The following GPATCH2 variants were observed in gnomAD, a reference collection of about 807,000 sequenced individuals.
GPATCH2 encodes G-patch domain containing 2, also known as G patch domain-containing protein 2.
Under a neutral mutation model 58.0 loss-of-function variants are expected in GPATCH2, and 51 were observed. The observed-to-expected ratio is 0.88, with a 90% CI of 0.70 to 1.11. GPATCH2 has a LOEUF of 1.11. Ranked by LOEUF, GPATCH2 falls within the 50% of genes most tolerant of loss-of-function variation. The pLI is 0.00. For synonymous variants in GPATCH2, 222 were observed against 218.5 expected (o/e 1.02, Z -0.14); for missense variants, 625 against 652.2 (o/e 0.96, Z 0.45).
chr1:217,429,841 A>G lies in GPATCH2; in HGVS notation c.*1304T>C, dbSNP rs941815957. On this transcript the variant is annotated 3_prime_UTR_variant, in exon 10 of 10. Transcript: ENST00000366935. ...AGACTCTGTCAAAAAAAAAAAAAAA[A>G]AAAAAGAAACAAAAAAACTCTTTTG... is the stretch of plus-strand genomic sequence containing the variant. The G allele has an allele frequency of 1.6e-4, 25 of 151,592 alleles. No homozygotes were observed. Among genetic ancestry groups the G allele is most frequent in the African/African-American group, 4.1e-4 (17 of 41,278 alleles). The allele number at this position is 151,592 out of a possible 1,614,324, so 9.4% of individuals were successfully genotyped here.
chr1:217,607,391 G>A (rs953875212), intron 5 of GPATCH2, among the ~76,000 whole-genome samples: 1 of 151,918 alleles, frequency 6.6e-6, no homozygotes, highest in South Asian at 2.1e-4. Context: ...TGCTTTTTGT[G>A]GGTGATTATT....
chr1:217,593,049 C>T (rs1171343338), intron 5 of GPATCH2, among the ~76,000 whole-genome samples: 4 of 151,856 alleles, frequency 2.6e-5, no homozygotes, highest in African/African-American at 9.7e-5. Flanking sequence ...TTTTAACCTC[C>T]TTCTGAAAAG....
intron 8 of GPATCH2, among the ~76,000 whole-genome samples, chr1:217,472,601 C>G (rs570968683): frequency 2.4e-4 from 36 of 152,224 alleles, no homozygotes; most frequent in African/African-American, 7.5e-4. Context: ...CGTGCCCAGT[C>G]CAACAGACTT....
At chr1:217,526,775 G>A (rs1048001765) in intron 5 of GPATCH2, among the ~76,000 whole-genome samples, 2 of 152,198 alleles carry the variant, frequency 1.3e-5, no homozygotes, top group Non-Finnish European at 1.5e-5. Flanking sequence ...AGCAACAGAC[G>A]AGCAAGCAAA....
chr1:217,439,601 A>G (rs1042108829), intron 9 of GPATCH2, among the ~76,000 whole-genome samples: 42 of 152,350 alleles, frequency 2.8e-4, no homozygotes, highest in African/African-American at 1.0e-3. Context: ...GAAAACATTA[A>G]CAAAATAGAC....
chr1:217,607,047 T>G (rs1668393673), intron 5 of GPATCH2, among the ~76,000 whole-genome samples: 1 of 152,178 alleles, frequency 6.6e-6, no homozygotes, highest in African/African-American at 2.4e-5. Flanking sequence ...AAGGTCTGAC[T>G]TCAAAATCTA....
In GPATCH2 at chr1:217,431,005, G is replaced by A; in HGVS notation, c.*140C>T. On this transcript the variant is annotated 3_prime_UTR_variant, in exon 10 of 10. Coordinates refer to ENST00000366935, the MANE Select transcript of GPATCH2 (RefSeq NM_018040.5). ...AAATCCCATTTCTCTCACTATGGCA[G>A]GACTGTATGCAGTAAGGAAGCTAGA... 1 of 658,440 alleles carries A rather than the reference G, an allele frequency of 1.5e-6. No individual in the cohort carries two copies. Among genetic ancestry groups the A allele is most frequent in the East Asian group, 2.6e-5 (1 of 39,166 alleles). 40.8% of individuals were successfully genotyped at this position (658,440 alleles called of 1,614,324 possible).
At chr1:217,623,453 T>G (rs2102849586) in intron 1 of GPATCH2, among the ~76,000 whole-genome samples, 1 of 152,014 alleles carries the variant, frequency 6.6e-6, no homozygotes, top group Non-Finnish European at 1.5e-5. Context: ...TTTAATAAAA[T>G]ATAACTGCTA....
chr1:217,446,674 C>T (rs1458812853), intron 9 of GPATCH2, among the ~76,000 whole-genome samples: 2 of 151,848 alleles, frequency 1.3e-5, no homozygotes, highest in African/African-American at 2.4e-5. Context: ...ATTTTATCTT[C>T]TAAGTAAAAA....
At chr1:217,610,291 A>G (rs1668560579) in intron 5 of GPATCH2, 30 bp downstream of exon 5, 1 of 1,495,230 alleles carries the variant, frequency 6.7e-7, no homozygotes. Flanking sequence ...ATTTCCAAAC[A>G]TGACAATTAC....
At position 217,427,618 on chromosome 1, in the gene GPATCH2, C is replaced by A. The variant is rs761826269; in HGVS notation, c.*3527G>T. On this transcript the variant is annotated 3_prime_UTR_variant, in exon 10 of 10. Coordinates refer to ENST00000366935, the MANE Select transcript of GPATCH2 (RefSeq NM_018040.5). Reference sequence around the variant, plus strand: ...AAAAGAAAAAATAAAAAAAAATATTCTTTGCTAACAATTTCTTTACAATGC... The same window carrying A: ...AAAAGAAAAAATAAAAAAAAATATTATTTGCTAACAATTTCTTTACAATGC... 1 of 151,912 alleles carries A rather than the reference C, an allele frequency of 6.6e-6. No homozygotes were observed. The highest frequency in any genetic ancestry group is 1.9e-4 in the East Asian group (1 of 5,184). 9.4% of individuals were successfully genotyped at this position (151,912 alleles called of 1,614,324 possible).
intron 8 of GPATCH2, among the ~76,000 whole-genome samples, chr1:217,455,495 C>T (rs1268745334): frequency 6.6e-6 from 1 of 152,170 alleles, no homozygotes; most frequent in Non-Finnish European, 1.5e-5. Context: ...CCTCTCACTG[C>T]TTCAGATGGA....
intron 8 of GPATCH2, among the ~76,000 whole-genome samples, chr1:217,474,241 A>C (rs1660872939): frequency 6.6e-6 from 1 of 152,192 alleles, no homozygotes; most frequent in Non-Finnish European, 1.5e-5. Context: ...TACCTTGAAT[A>C]CAGTGTCCAT....
chr1:217,527,213 T>C (rs1040458976), intron 5 of GPATCH2, among the ~76,000 whole-genome samples: 1 of 152,078 alleles, frequency 6.6e-6, no homozygotes, highest in African/African-American at 2.4e-5. Flanking sequence ...CCCCAAACCA[T>C]CCCCCTACCC....
At chr1:217,435,956 A>C (rs1658805902) in intron 9 of GPATCH2, among the ~76,000 whole-genome samples, 1 of 152,224 alleles carries the variant, frequency 6.6e-6, no homozygotes. Flanking sequence ...AATTAAAATC[A>C]GTTTAAATAG....
intron 8 of GPATCH2, among the ~76,000 whole-genome samples, chr1:217,490,049 C>T (rs1235434909): frequency 1.3e-5 from 2 of 152,170 alleles, no homozygotes; most frequent in Admixed American, 6.5e-5. Context: ...TTATGAAATA[C>T]ACCCTTTAAA....
intron 8 of GPATCH2, among the ~76,000 whole-genome samples, chr1:217,484,718 GGT>G (rs1399425509): frequency 6.7e-6 from 1 of 150,106 alleles, no homozygotes; most frequent in African/African-American, 2.4e-5. Context: ...TGTGCATAGA[GGT>G]GATATATGTG....
rs1474667161 is a variant in GPATCH2 at position 217,430,883 on chromosome 1, A to C, written c.*262T>G. Reference sequence around the variant, plus strand: ...TTGACACATGAGACTAAAATAAATAAGAGAAACGAGCTGCTCTTTATACCT... The same window carrying C: ...TTGACACATGAGACTAAAATAAATACGAGAAACGAGCTGCTCTTTATACCT... On this transcript the variant is annotated 3_prime_UTR_variant, in exon 10 of 10. Transcript: ENST00000366935. The C allele has an allele frequency of 3.2e-5, 16 of 498,988 alleles. No homozygotes were observed. The highest frequency in any genetic ancestry group is 4.3e-5 in the Non-Finnish European group (12 of 279,802). 30.9% of individuals were successfully genotyped at this position (498,988 alleles called of 1,614,324 possible).
intron 6 of GPATCH2, among the ~76,000 whole-genome samples, chr1:217,511,324 GC>G (rs777161963): frequency 5.5e-4 from 83 of 152,200 alleles, no homozygotes; most frequent in Non-Finnish European, 8.4e-4. Flanking sequence ...AAGAAGAAAG[GC>G]ACTGGGAAAA....
Sources: allele counts gnomAD v4.1 joint callset (sites outside exome capture counted in the v4.1 genomes callset), GRCh38; gene constraint gnomAD v4.1.1; transcripts MANE v1.5; gene names NCBI Gene and HGNC (gene_info 2026-07-23, HGNC 2026-07-21).